DNAH3: variants seen among roughly 807,000 people sequenced by gnomAD.
DNAH3 encodes axonemal beta dynein heavy chain 3.
In DNAH3, 332 loss-of-function variants were observed where a neutral mutation model predicts 432.5. The observed-to-expected ratio is 0.77, with a 90% CI of 0.70 to 0.84. DNAH3 has a LOEUF of 0.84. Ranked by LOEUF, DNAH3 falls within the 40% of genes least tolerant of loss-of-function variation. The pLI is 0.00. For missense variants in DNAH3, 4,861 were observed against 5,114.0 expected, an observed-to-expected ratio of 0.95 and a Z score of 1.51; for synonymous variants, 1,956 against 1,900.2, an observed-to-expected ratio of 1.03 and a Z score of -0.76.
At chr16:20,996,913 C>T (rs562383136) in intron 44 of DNAH3, 6 of 188,196 alleles carry the variant, frequency 3.2e-5, no homozygotes, top group African/African-American at 4.7e-5. Flanking sequence ...TTGGGTTAGG[C>T]ATTCTGTCTC....
rs374296554 is a variant in DNAH3 at position 21,027,605 on chromosome 16, C to T, written c.5440-478G>A. Among the ~76,000 whole-genome samples, 216 of 152,298 alleles carry T rather than the reference C, an allele frequency of 1.4e-3. 8 individuals are homozygous for T. The South Asian group carries it at 0.044, about 31-fold the overall frequency. On this transcript the variant is annotated intron_variant, in intron 37 of 61. Coordinates refer to ENST00000261383, the Ensembl canonical transcript of DNAH3. ...CTGTAATCCCAGCACTTTGGGAGGCCGAGGCGGGTGGATCACTTGAGGTCA... is the reference window on the plus strand; with the variant it reads ...CTGTAATCCCAGCACTTTGGGAGGCTGAGGCGGGTGGATCACTTGAGGTCA...
chr16:21,113,554 C>T (rs1168834949), intron 12 of DNAH3, among the ~76,000 whole-genome samples: 2 of 152,128 alleles, frequency 1.3e-5, no homozygotes, highest in Non-Finnish European at 2.9e-5. Flanking sequence ...CTCCTCCCAG[C>T]TTCAAGTGAT....
intron 49 of DNAH3, 39 bp from the exon 50 acceptor site, chr16:20,979,585 T>A: frequency 6.3e-7 from 1 of 1,578,318 alleles, no homozygotes; most frequent in Non-Finnish European, 8.7e-7. Context: ...GGACCCAACA[T>A]CTTCCAGGGA....
intron 19 of DNAH3, among the ~76,000 whole-genome samples, chr16:21,082,182 G>A (rs1305668622): frequency 1.3e-5 from 2 of 151,974 alleles, no homozygotes; most frequent in African/African-American, 4.8e-5. Flanking sequence ...TTACAGGAGT[G>A]AGCCGCCACA....
At chr16:21,003,992 T>G (rs1475765283) in intron 41 of DNAH3, among the ~76,000 whole-genome samples, 1 of 152,166 alleles carries the variant, frequency 6.6e-6, no homozygotes, top group Non-Finnish European at 1.5e-5. Context: ...AAAATAACTA[T>G]GTTAAAGTTA....
intron 5 of DNAH3, among the ~76,000 whole-genome samples, chr16:21,136,769 C>T (rs2092648795): frequency 4.6e-5 from 7 of 152,160 alleles, no homozygotes; most frequent in African/African-American, 1.7e-4. Flanking sequence ...TTGTCAAATA[C>T]CACCCAGATA....
intron 16 of DNAH3, among the ~76,000 whole-genome samples, chr16:21,099,047 A>G (rs2152793710): frequency 6.6e-6 from 1 of 152,340 alleles, no homozygotes; most frequent in South Asian, 2.1e-4. Flanking sequence ...GTACAGGTAA[A>G]TACGTATAAG....
chr16:21,116,102 C>T (rs890898140), intron 12 of DNAH3, among the ~76,000 whole-genome samples: 4 of 152,304 alleles, frequency 2.6e-5, no homozygotes, highest in East Asian at 1.9e-4. Context: ...TCTGGGTTAG[C>T]GTGACCATAT....
chr16:21,079,042 A>G (rs1344956447), intron 20 of DNAH3, among the ~76,000 whole-genome samples: 1 of 152,254 alleles, frequency 6.6e-6, no homozygotes, highest in East Asian at 1.9e-4. Flanking sequence ...AATTGGTCAC[A>G]GTTGAACATG....
intron 21 of DNAH3, among the ~76,000 whole-genome samples, chr16:21,072,240 A>AATTT (rs1555547235): frequency 6.6e-6 from 1 of 151,426 alleles, no homozygotes; most frequent in East Asian, 1.9e-4. Context: ...TTAATTAATT[A>AATTT]ATTTTAATTT....
chr16:20,984,946 A>G, intron 48 of DNAH3, 103 bp downstream of exon 48: 2 of 1,043,310 alleles, frequency 1.9e-6, no homozygotes, highest in Non-Finnish European at 2.8e-6. Flanking sequence ...GCGTTGGCTG[A>G]ATCAACCCTG....
chr16:21,027,016 G>C lies in DNAH3; in HGVS notation c.5540+11C>G. On this transcript the variant is annotated intron_variant, in intron 38 of 61. Transcript: ENST00000261383. ...CACTGTCCCCCGGGGTGCCAGTGAGGGCTGCCTCACCTGCTCACAGTGGCT... is the reference window on the plus strand; with the variant it reads ...CACTGTCCCCCGGGGTGCCAGTGAGCGCTGCCTCACCTGCTCACAGTGGCT... 1 of 1,609,938 alleles carries C rather than the reference G, an allele frequency of 6.2e-7. No homozygotes were observed. Among genetic ancestry groups the C allele is most frequent in the Non-Finnish European group, 8.5e-7 (1 of 1,176,532 alleles).
At chr16:21,054,319 A>G (rs2090058326) in intron 28 of DNAH3, 101 bp downstream of exon 28, 1 of 881,520 alleles carries the variant, frequency 1.1e-6, no homozygotes, top group Admixed American at 2.4e-5. Context: ...CCTAATGAGG[A>G]AGGAAACCCT....
chr16:20,957,378 A>G (rs966903930), intron 54 of DNAH3, among the ~76,000 whole-genome samples: 2 of 152,240 alleles, frequency 1.3e-5, no homozygotes, highest in Non-Finnish European at 2.9e-5. Flanking sequence ...TGAATTTCAT[A>G]GAAGTTTCAT....
At chr16:20,970,860 ATTCTT>A (rs1174165010) in intron 51 of DNAH3, among the ~76,000 whole-genome samples, 14 of 128,790 alleles carry the variant, frequency 1.1e-4, no homozygotes, top group African/African-American at 3.2e-4. Flanking sequence ...TCTTTTCTCT[ATTCTT>A]TTTTTTTTTT....
At chr16:21,050,074 C>A in intron 29 of DNAH3, 56 bp from the exon 30 acceptor site, 1 of 1,278,122 alleles carries the variant, frequency 7.8e-7, no homozygotes, top group Admixed American at 2.1e-5. Flanking sequence ...AGGAAAGAAA[C>A]CGGCTTTTCA....
intron 31 of DNAH3, among the ~76,000 whole-genome samples, chr16:21,044,314 G>A (rs1238559239): frequency 2.6e-5 from 4 of 151,156 alleles, no homozygotes. Context: ...AGCATGGAAT[G>A]TTCTTCCATT....
chr16:21,096,527 C>T (rs1426029789), intron 18 of DNAH3, among the ~76,000 whole-genome samples: 1 of 152,196 alleles, frequency 6.6e-6, no homozygotes, highest in East Asian at 1.9e-4. Context: ...TATTCCCCAA[C>T]ATAAATCCCA....
intron 51 of DNAH3, among the ~76,000 whole-genome samples, chr16:20,973,100 G>C (rs917698065): frequency 1.3e-5 from 2 of 152,112 alleles, no homozygotes; most frequent in East Asian, 3.9e-4. Context: ...GAATGGTTGA[G>C]AGAATTTTCT....
Sources: allele counts gnomAD v4.1 joint callset (sites outside exome capture counted in the v4.1 genomes callset), GRCh38; gene constraint gnomAD v4.1.1; transcripts MANE v1.5; gene names NCBI Gene and HGNC (gene_info 2026-07-23, HGNC 2026-07-21).